Variants in GUCY1A2 observed in about 807,000 individuals in gnomAD.
The protein encoded by GUCY1A2 is guanylate cyclase soluble subunit alpha-2.
A neutral mutation model predicts 63.5 loss-of-function variants in GUCY1A2; 27 were observed. The observed-to-expected ratio is 0.43, with a 90% CI of 0.31 to 0.59. The LOEUF (loss-of-function observed/expected upper bound fraction) is 0.59, where lower values mean the gene tolerates loss of function less well. Among genes scored for constraint, GUCY1A2 ranks in the 20% least tolerant of loss-of-function variants. GUCY1A2 has a pLI of 0.11. For missense variants in GUCY1A2, 768 were observed against 913.3 expected (o/e 0.84, Z 2.05); for synonymous variants, 364 against 343.5 (o/e 1.06, Z -0.66).
At chr11:106,837,937 A>G (rs1859139072) in intron 4 of GUCY1A2, among the ~76,000 whole-genome samples, 2 of 151,990 alleles carry the variant, frequency 1.3e-5, no homozygotes, top group South Asian at 4.1e-4. Flanking sequence ...TCACCATTCC[A>G]AGCCTTTTCA....
intron 4 of GUCY1A2, among the ~76,000 whole-genome samples, chr11:106,927,374 A>G (rs1646089953): frequency 2.0e-5 from 3 of 151,264 alleles, no homozygotes; most frequent in Admixed American, 6.6e-5. Context: ...CTCCGTCTCA[A>G]AAAAAAAATC....
chr11:106,776,642 T>C (rs1280389699), intron 5 of GUCY1A2, 60 bp from the exon 6 acceptor site: 4 of 1,480,156 alleles, frequency 2.7e-6, no homozygotes, highest in Non-Finnish European at 3.7e-6. Flanking sequence ...GAGAAATGAT[T>C]AGTTATCTGC....
chr11:106,831,208 C>T (rs7937534), intron 4 of GUCY1A2, among the ~76,000 whole-genome samples: 54,369 of 151,958 alleles, frequency 0.36, 10,008 homozygotes, highest in East Asian at 0.46. Flanking sequence ...CCACATAAAT[C>T]ATAATATCAT....
At position 106,998,888 on chromosome 11, in the gene GUCY1A2, A is replaced by G. The variant is rs558435796; in HGVS notation, c.304-12757T>C. On this transcript the variant is annotated intron_variant, in intron 1 of 7. Coordinates refer to ENST00000526355, the MANE Select transcript of GUCY1A2 (RefSeq NM_000855.3). ...ATTATTATTTTGTTTTTACTTCCCAATGTATCCATGTTATCACTACAGACC... is the reference window on the plus strand; with the variant it reads ...ATTATTATTTTGTTTTTACTTCCCAGTGTATCCATGTTATCACTACAGACC... Among the ~76,000 whole-genome samples the G allele has an allele frequency of 4.6e-5, 7 of 152,296 alleles. No homozygotes were observed. The East Asian group carries it at 1.4e-3, about 29-fold the overall frequency.
chr11:106,892,400 T>C (rs558005227), intron 4 of GUCY1A2, among the ~76,000 whole-genome samples: 7 of 152,256 alleles, frequency 4.6e-5, no homozygotes, highest in Middle Eastern at 3.4e-3. Flanking sequence ...ATTGAACTTT[T>C]GTAATAATTT....
chr11:106,708,707 C>T (rs199916103), intron 6 of GUCY1A2, 41 bp from the exon 7 acceptor site: 49 of 1,393,052 alleles, frequency 3.5e-5, no homozygotes, highest in Non-Finnish European at 4.6e-5. Flanking sequence ...TATTTGTTTC[C>T]ATTTGGTATG....
intron 5 of GUCY1A2, among the ~76,000 whole-genome samples, chr11:106,782,821 A>G (rs995957209): frequency 6.6e-6 from 1 of 152,218 alleles, no homozygotes; most frequent in Non-Finnish European, 1.5e-5. Flanking sequence ...GTAACAGAAG[A>G]GCAGGAAAAA....
At chr11:106,839,815 C>T (rs574779133) in intron 4 of GUCY1A2, among the ~76,000 whole-genome samples, 5 of 132,198 alleles carry the variant, frequency 3.8e-5, no homozygotes, top group East Asian at 4.5e-4. Flanking sequence ...ACAATGAGGA[C>T]ATTTGGACAC....
At chr11:106,710,269 TA>T (rs1211743244) in intron 6 of GUCY1A2, among the ~76,000 whole-genome samples, 113 of 308 alleles carry the variant, frequency 0.37, 34 homozygotes, top group African/African-American at 0.5. Flanking sequence ...TACATGTATA[TA>T]ATATAGTTAT....
At chr11:106,882,878 T>C (rs1192690069) in intron 4 of GUCY1A2, among the ~76,000 whole-genome samples, 3 of 152,038 alleles carry the variant, frequency 2.0e-5, no homozygotes, top group African/African-American at 7.2e-5. Flanking sequence ...CAGTTCTCAT[T>C]CTGAAACTAT....
At chr11:106,939,409 A>G in intron 4 of GUCY1A2, 51 bp downstream of exon 4, 1 of 895,108 alleles carries the variant, frequency 1.1e-6, no homozygotes, top group South Asian at 1.7e-5. Context: ...TTACTGAAAT[A>G]ATTATCCACT....
intron 4 of GUCY1A2, among the ~76,000 whole-genome samples, chr11:106,812,410 T>C (rs1858774015): frequency 6.6e-6 from 1 of 151,692 alleles, no homozygotes; most frequent in Non-Finnish European, 1.5e-5. Context: ...CCTCTCTTTA[T>C]TTGGTGTTTG....
At chr11:106,906,791 T>C (rs890277164) in intron 4 of GUCY1A2, among the ~76,000 whole-genome samples, 4 of 152,146 alleles carry the variant, frequency 2.6e-5, no homozygotes, top group African/African-American at 7.2e-5. Context: ...TGCAGGGACA[T>C]GGATGAAGCT....
chr11:106,840,056 A>C (rs564815622), intron 4 of GUCY1A2, among the ~76,000 whole-genome samples: 2 of 152,118 alleles, frequency 1.3e-5, no homozygotes, highest in East Asian at 3.9e-4. Flanking sequence ...AACATGAGCC[A>C]CTGAATCCAT....
intron 6 of GUCY1A2, among the ~76,000 whole-genome samples, chr11:106,723,501 C>T (rs1863353179): frequency 6.6e-6 from 1 of 152,206 alleles, no homozygotes; most frequent in Admixed American, 6.5e-5. Context: ...CCACCAGAAC[C>T]TTCCTGGTAC....
intron 7 of GUCY1A2, among the ~76,000 whole-genome samples, chr11:106,696,569 T>C (rs1012973620): frequency 6.6e-6 from 1 of 152,168 alleles, no homozygotes; most frequent in Non-Finnish European, 1.5e-5. Context: ...AAGAATTCTA[T>C]GTTCTCTATT....
At chr11:106,904,080 C>T (rs1245905995) in intron 4 of GUCY1A2, among the ~76,000 whole-genome samples, 2 of 152,030 alleles carry the variant, frequency 1.3e-5, no homozygotes, top group Non-Finnish European at 2.9e-5. Flanking sequence ...TTATAAGTAA[C>T]CAAATTTATT....
intron 6 of GUCY1A2, among the ~76,000 whole-genome samples, chr11:106,712,824 C>T (rs1387675789): frequency 1.3e-5 from 2 of 152,140 alleles, no homozygotes; most frequent in East Asian, 3.9e-4. Context: ...GCATTGTTTT[C>T]CAAGTCCTGT....
intron 4 of GUCY1A2, among the ~76,000 whole-genome samples, chr11:106,831,228 T>C (rs561395134): frequency 2.6e-5 from 4 of 152,336 alleles, no homozygotes; most frequent in Admixed American, 2.6e-4. Flanking sequence ...TGATGAAGGT[T>C]GACTTTGCAC....
Sources: gnomAD v4.1 joint callset for allele counts (sites outside exome capture counted in the v4.1 genomes callset) on GRCh38, gnomAD v4.1.1 for gene constraint, MANE v1.5 for transcripts, NCBI Gene and HGNC (gene_info 2026-07-23, HGNC 2026-07-21) for gene names.